DIP2C: variants seen among roughly 807,000 people sequenced by gnomAD.
The protein encoded by DIP2C is DIP2 acetate--CoA ligase C (putative).
In DIP2C, 33 loss-of-function variants were observed where a neutral mutation model predicts 192.4. That is an observed-to-expected ratio of 0.17 (90% CI 0.13 to 0.23). The LOEUF is 0.23. Among genes scored for constraint, DIP2C ranks in the 10% least tolerant of loss-of-function variants. The pLI is 1.00. For synonymous variants in DIP2C, 979 were observed against 864.1 expected (o/e 1.13, Z -2.33); for missense variants, 1,537 against 2,110.1 (o/e 0.73, Z 5.32).
intron 14 of DIP2C, 65 bp downstream of exon 14, chr10:387,680 T>C: frequency 7.3e-7 from 1 of 1,367,254 alleles, no homozygotes; most frequent in Admixed American, 1.8e-5. Flanking sequence ...GACTCCTGTG[T>C]GGACAGGCAG....
rs143302793 is a variant in DIP2C at position 400,470 on chromosome 10, T to C, written c.1150-1251A>G. Among the ~76,000 whole-genome samples the C allele has an allele frequency of 5.7e-3, 867 of 152,292 alleles. 3 individuals are homozygous for C. Among genetic ancestry groups the C allele is most frequent in the Middle Eastern group, 0.014 (4 of 294 alleles). The stretch of plus-strand genomic sequence containing the variant: ...TGCTTCTATTTTAACACAGGTTACT[T>C]GTACATGTGGGGTAGCATTAGCGTT... On this transcript the variant is annotated intron_variant, in intron 9 of 36. Transcript: ENST00000280886.
chr10:389,960 G>C (rs752032656), intron 13 of DIP2C, 31 bp downstream of exon 13: 2 of 1,568,076 alleles, frequency 1.3e-6, no homozygotes, highest in Admixed American at 3.6e-5. Context: ...TTAGAACCAG[G>C]GTCCCAAGGA....
intron 1 of DIP2C, among the ~76,000 whole-genome samples, chr10:518,469 C>T (rs374297226): frequency 2.6e-5 from 4 of 152,344 alleles, no homozygotes; most frequent in South Asian, 4.1e-4. Flanking sequence ...TCACCCCCAA[C>T]GTGACAGTGT....
chr10:676,468 A>G (rs1317437226), intron 1 of DIP2C, among the ~76,000 whole-genome samples: 1 of 151,922 alleles, frequency 6.6e-6, no homozygotes, highest in Non-Finnish European at 1.5e-5. Context: ...GAGGAGCTCT[A>G]ATTGTCTGTT....
intron 1 of DIP2C, among the ~76,000 whole-genome samples, chr10:521,213 A>G (rs1454525450): frequency 6.6e-6 from 1 of 152,218 alleles, no homozygotes; most frequent in Non-Finnish European, 1.5e-5. Flanking sequence ...CAGCTCTTAA[A>G]AACAACCAGA....
intron 1 of DIP2C, among the ~76,000 whole-genome samples, chr10:661,681 T>G (rs535830910): frequency 9.8e-5 from 15 of 152,340 alleles, no homozygotes; most frequent in African/African-American, 3.4e-4. Context: ...ATGTGGGCTT[T>G]CCTTTGGCCT....
intron 1 of DIP2C, among the ~76,000 whole-genome samples, chr10:535,139 A>C (rs1026866639): frequency 6.6e-6 from 1 of 152,068 alleles, no homozygotes; most frequent in African/African-American, 2.4e-5. Flanking sequence ...GGATCAGAGC[A>C]TCTCTCACAT....
At chr10:537,893 G>C (rs139170921) in intron 1 of DIP2C, among the ~76,000 whole-genome samples, 5,444 of 151,692 alleles carry the variant, frequency 0.036, 315 homozygotes, top group African/African-American at 0.12. Context: ...AAGTTCAGGC[G>C]ATTCTCCTGC....
intron 10 of DIP2C, among the ~76,000 whole-genome samples, chr10:393,445 G>A (rs950986746): frequency 3.3e-5 from 5 of 152,124 alleles, no homozygotes; most frequent in African/African-American, 1.2e-4. Context: ...TCCATGAAAA[G>A]GTGCTCCACA....
chr10:512,483 G>A (rs1398624224), intron 1 of DIP2C, among the ~76,000 whole-genome samples: 2 of 152,056 alleles, frequency 1.3e-5, no homozygotes, highest in African/African-American at 2.4e-5. Context: ...GCTGAGGTGG[G>A]AGGATCACCT....
intron 1 of DIP2C, among the ~76,000 whole-genome samples, chr10:592,515 T>C (rs1183488157): frequency 6.6e-6 from 1 of 152,156 alleles, no homozygotes; most frequent in Non-Finnish European, 1.5e-5. Flanking sequence ...CCAACTAGCA[T>C]AAAGAAAATA....
At chr10:400,328 A>G (rs959780995) in intron 9 of DIP2C, among the ~76,000 whole-genome samples, 11 of 152,326 alleles carry the variant, frequency 7.2e-5, no homozygotes, top group African/African-American at 2.4e-4. Context: ...CCTGGCCAGT[A>G]TGTTTTCTGA....
intron 1 of DIP2C, among the ~76,000 whole-genome samples, chr10:593,985 C>T (rs1276306644): frequency 6.6e-6 from 1 of 152,202 alleles, no homozygotes; most frequent in African/African-American, 2.4e-5. Flanking sequence ...CCAACCACGG[C>T]GGAACTGGCC....
In DIP2C at chr10:666,590, G is replaced by GGCCCGTGGCCTGTCT. The variant is rs11283858; in HGVS notation, c.85+22889_85+22903dup. 6 of 150,556 alleles carry GGCCCGTGGCCTGTCT rather than the reference G, an allele frequency of 4.0e-5. No homozygotes were observed. The East Asian group carries it at 6.0e-4, about 15-fold the overall frequency. The allele number at this position is 150,556 out of a possible 1,614,324, so 9.3% of individuals were successfully genotyped here. A position where few individuals can be genotyped will look rare whatever the true frequency, so the allele number is the denominator to read the frequency against. ...TGGGGGTAAGCAAAGCCACGAGGTC[G>GGCCCGTGGCCTGTCT]GCCCGTGGCCTGTCTGCCCGTGGCC... On this transcript the variant is annotated intron_variant, in intron 1 of 36. Transcript: ENST00000280886. The surrounding 1 kb of genome is among the most constrained non-coding windows in gnomAD (Gnocchi z 4.1).
Position 666,882 on chromosome 10 carries a change from C to CA in DIP2C, c.85+22611dup, listed in dbSNP as rs1857132845. The stretch of plus-strand genomic sequence containing the variant: ...CTGCCCCAAGAAGCAGTGCGCCTCC[C>CA]AAAATCAGAAGCAGCTAAGCTGACC... On this transcript the variant is annotated intron_variant, in intron 1 of 36. Transcript: ENST00000280886. The surrounding 1 kb of genome is among the most constrained non-coding windows in gnomAD (Gnocchi z 4.1). The CA allele has an allele frequency of 6.6e-6, 1 of 152,346 alleles. No individual in the cohort carries two copies. Among genetic ancestry groups the CA allele is most frequent in the South Asian group, 2.1e-4 (1 of 4,824 alleles). 9.4% of individuals were successfully genotyped at this position (152,346 alleles called of 1,614,324 possible).
intron 32 of DIP2C, among the ~76,000 whole-genome samples, chr10:307,402 G>C (rs1418216033): frequency 6.6e-6 from 1 of 152,192 alleles, no homozygotes; most frequent in African/African-American, 2.4e-5. Flanking sequence ...ATTAAAGCTG[G>C]ATGACATTTT....
chr10:637,795 C>A (rs564517448), intron 1 of DIP2C, among the ~76,000 whole-genome samples: 1 of 152,230 alleles, frequency 6.6e-6, no homozygotes. Context: ...CCCAAAAGGG[C>A]AAGCAATCGA....
At position 277,071 on chromosome 10, in the gene DIP2C, G is replaced by T. The variant is rs1589365756; in HGVS notation, c.*254C>A. The T allele has an allele frequency of 2.6e-6, 1 of 379,110 alleles. No homozygotes were observed. Among genetic ancestry groups the T allele is most frequent in the Non-Finnish European group, 4.6e-6 (1 of 217,260 alleles). The allele number at this position is 379,110 out of a possible 1,614,324, so 23.5% of individuals were successfully genotyped here. Reference sequence around the variant, plus strand: ...AAGAAAGAAAAGAAAAGAAAGTTTTGAAATGGGCTTTTCCAACAAACTGAA... The same window carrying T: ...AAGAAAGAAAAGAAAAGAAAGTTTTTAAATGGGCTTTTCCAACAAACTGAA... On this transcript the variant is annotated 3_prime_UTR_variant, in exon 37 of 37. Coordinates refer to ENST00000280886, the MANE Select transcript of DIP2C (RefSeq NM_014974.3).
intron 1 of DIP2C, among the ~76,000 whole-genome samples, chr10:567,477 C>A (rs1432711493): frequency 1.3e-5 from 2 of 152,024 alleles, no homozygotes; most frequent in African/African-American, 4.8e-5. Context: ...TTAACAGCCA[C>A]CCCTGCTCCC....
Sources: gnomAD v4.1 joint callset for allele counts (sites outside exome capture counted in the v4.1 genomes callset) on GRCh38, gnomAD v4.1.1 for gene constraint, Gnocchi (gnomAD v3.1) non-coding constraint, MANE v1.5 for transcripts, NCBI Gene and HGNC (gene_info 2026-07-23, HGNC 2026-07-21) for gene names.